SEZ6L: variants seen among roughly 807,000 people sequenced by gnomAD.
The protein encoded by SEZ6L is seizure 6-like protein.
SEZ6L carries 37 observed loss-of-function variants against 106.2 expected under a neutral mutation model. That is an observed-to-expected ratio of 0.35 (90% confidence interval 0.27 to 0.46). SEZ6L has a LOEUF of 0.46. SEZ6L is among the 20% of genes least tolerant of loss of function. The pLI is 1.00. For synonymous variants in SEZ6L, 541 were observed against 570.4 expected, an observed-to-expected ratio of 0.95 and a Z score of 0.73; for missense variants, 1,172 against 1,332.8, an observed-to-expected ratio of 0.88 and a Z score of 1.88.
chr22:26,251,892 G>T (rs2079604899), intron 1 of SEZ6L, among the ~76,000 whole-genome samples: 1 of 152,164 alleles, frequency 6.6e-6, no homozygotes, highest in South Asian at 2.1e-4. Flanking sequence ...GGGGTGTCCT[G>T]CCCACTCCCT....
At chr22:26,227,170 G>C (rs966205285) in intron 1 of SEZ6L, among the ~76,000 whole-genome samples, 2 of 152,194 alleles carry the variant, frequency 1.3e-5, no homozygotes, top group Admixed American at 6.5e-5. Flanking sequence ...TGAATGAGTG[G>C]CTGGAGAGAG....
chr22:26,177,348 T>C (rs1601954331), intron 1 of SEZ6L, among the ~76,000 whole-genome samples: 2 of 152,292 alleles, frequency 1.3e-5, no homozygotes, highest in East Asian at 3.9e-4. Context: ...AAATACACTT[T>C]GTAAAGAGAA....
chr22:26,370,336 G>C lies in SEZ6L; in HGVS notation c.2795-3115G>C, dbSNP rs1054128329. On this transcript the variant is annotated intron_variant, in intron 13 of 16. Coordinates refer to ENST00000248933, the MANE Select transcript of SEZ6L (RefSeq NM_021115.5). ...GGAGGCGGAGCTTGCGGTGAGCTGA[G>C]ATCGAGCCACTGCACTCCAGCCTGG... 3.6e-4 allele frequency among the ~76,000 whole-genome samples: 54 copies of C among 152,020 alleles called. 1 individual carries two copies. The highest frequency in any genetic ancestry group is 2.9e-4 in the Non-Finnish European group (20 of 68,006).
chr22:26,311,853 A>G lies in SEZ6L; in HGVS notation c.1767A>G (p.Ile589Met), dbSNP rs978008131. The G allele has an allele frequency of 6.2e-7, 1 of 1,614,036 alleles. No individual in the cohort carries two copies. Among genetic ancestry groups the G allele is most frequent in the Non-Finnish European group, 8.5e-7 (1 of 1,180,032 alleles). Reference sequence around the variant, plus strand: ...ACCCGACCTATAACATTGGGACTATAGTGGAGTTCACCTGCGACCCCGGCC... The same window carrying G: ...ACCCGACCTATAACATTGGGACTATGGTGGAGTTCACCTGCGACCCCGGCC... Reference protein sequence around the residue: ...TSDPTYNIGTIVEFTCDPGHS... With the variant: ...TSDPTYNIGTMVEFTCDPGHS... Residue 589 changes from isoleucine to methionine, a missense_variant, in exon 8 of 17, where the codon ATA (isoleucine) becomes ATG (methionine). Ile to Met is a conservative substitution (Grantham distance 10). This residue lies in a region of SEZ6L where 534 missense variants were observed against 691.0 expected (regional missense o/e 0.77). Transcript: ENST00000248933.
At chr22:26,298,824 A>G (rs2081370959) in intron 4 of SEZ6L, among the ~76,000 whole-genome samples, 160 bp from the exon 5 acceptor site, 1 of 152,136 alleles carries the variant, frequency 6.6e-6, no homozygotes, top group South Asian at 2.1e-4. Context: ...TCAGCCTGAT[A>G]TGATCAAAGA....
At chr22:26,287,615 A>C (rs1295996584) in intron 1 of SEZ6L, among the ~76,000 whole-genome samples, 6 of 152,150 alleles carry the variant, frequency 3.9e-5, no homozygotes, top group African/African-American at 1.4e-4. Context: ...AGTCTTCTCT[A>C]TCTGGACATC....
intron 1 of SEZ6L, among the ~76,000 whole-genome samples, chr22:26,239,025 C>G (rs999527629): frequency 1.3e-5 from 2 of 152,192 alleles, no homozygotes; most frequent in Non-Finnish European, 2.9e-5. Flanking sequence ...GAGTTCAAGA[C>G]TAGCCTAGGC....
intron 1 of SEZ6L, among the ~76,000 whole-genome samples, chr22:26,273,954 G>A (rs2080455839): frequency 6.6e-6 from 1 of 152,124 alleles, no homozygotes; most frequent in Non-Finnish European, 1.5e-5. Flanking sequence ...GAGAGAGCAG[G>A]GGCGATAAGC....
chr22:26,346,613 G>T (rs2083015935), intron 10 of SEZ6L, among the ~76,000 whole-genome samples: 1 of 152,316 alleles, frequency 6.6e-6, no homozygotes, highest in Admixed American at 6.5e-5. Context: ...AGCCAGAGCT[G>T]CAGTCACCTG....
At chr22:26,172,679 G>T (rs1938706449) in intron 1 of SEZ6L, among the ~76,000 whole-genome samples, 1 of 152,198 alleles carries the variant, frequency 6.6e-6, no homozygotes. Context: ...TCAGCAGAAT[G>T]GAGCTCCTCT....
At chr22:26,354,045 G>C (rs1020878368) in intron 12 of SEZ6L, among the ~76,000 whole-genome samples, 8 of 147,208 alleles carry the variant, frequency 5.4e-5, no homozygotes, top group African/African-American at 2.0e-4. Context: ...GAGTGTCTTC[G>C]ACATCCTAAC....
chr22:26,272,056 G>C lies in SEZ6L; in HGVS notation c.95-20350G>C, dbSNP rs535906051. On this transcript the variant is annotated intron_variant, in intron 1 of 16. Coordinates refer to ENST00000248933, the MANE Select transcript of SEZ6L (RefSeq NM_021115.5). ...AGATAAATCTTGCAAATATAATGTT[G>C]ACTGAAAGAAGCCGGATACAAAAGA... Among the ~76,000 whole-genome samples, 13 of 152,314 alleles carry C rather than the reference G, an allele frequency of 8.5e-5. No individual in the cohort carries two copies. In the East Asian group the frequency reaches 2.5e-3, roughly 29 times the overall value.
intron 14 of SEZ6L, among the ~76,000 whole-genome samples, chr22:26,374,956 CTGTCAGTCCCCAA>C (rs1158755180): frequency 1.3e-5 from 2 of 152,140 alleles, no homozygotes; most frequent in Non-Finnish European, 2.9e-5. Context: ...GGACAGAGAG[CTGTCAGTCCCCAA>C]TGCTCAGAGC....
At chr22:26,246,647 G>A (rs531977105) in intron 1 of SEZ6L, among the ~76,000 whole-genome samples, 3 of 152,062 alleles carry the variant, frequency 2.0e-5, no homozygotes, top group Non-Finnish European at 4.4e-5. Context: ...CAATGCAGTC[G>A]ATTAATCCCA....
chr22:26,288,448 G>A (rs1238815150), intron 1 of SEZ6L, among the ~76,000 whole-genome samples: 1 of 152,172 alleles, frequency 6.6e-6, no homozygotes. Context: ...CAAACAAAAT[G>A]AGAGGGAAAG....
chr22:26,299,634 T>C (rs2081393322), intron 5 of SEZ6L, among the ~76,000 whole-genome samples: 1 of 152,256 alleles, frequency 6.6e-6, no homozygotes, highest in Non-Finnish European at 1.5e-5. Context: ...AGTTCGTGTA[T>C]GTTGTAGCAT....
intron 1 of SEZ6L, among the ~76,000 whole-genome samples, chr22:26,172,541 G>A (rs1938696108): frequency 6.6e-6 from 1 of 152,136 alleles, no homozygotes; most frequent in African/African-American, 2.4e-5. Flanking sequence ...TCTGTCCAGA[G>A]ACAATTTATC....
At chr22:26,294,054 G>T (rs2081221997) in intron 2 of SEZ6L, among the ~76,000 whole-genome samples, 1 of 152,172 alleles carries the variant, frequency 6.6e-6, no homozygotes, top group Non-Finnish European at 1.5e-5. Flanking sequence ...AATAAGTGGG[G>T]TCACCCCTGT....
chr22:26,212,054 G>C (rs1243042413), intron 1 of SEZ6L, among the ~76,000 whole-genome samples: 1 of 152,064 alleles, frequency 6.6e-6, no homozygotes, highest in Non-Finnish European at 1.5e-5. Context: ...ACAAGTGGAA[G>C]CTAACTAGGT....
Sources: gnomAD v4.1 joint callset for allele counts (sites outside exome capture counted in the v4.1 genomes callset) on GRCh38, gnomAD v4.1.1 for gene constraint, gnomAD v4.1.1 regional missense constraint, MANE v1.5 for transcripts, NCBI Gene and HGNC (gene_info 2026-07-23, HGNC 2026-07-21) for gene names.